The following TECTA variants were observed in gnomAD, a reference collection of about 807,000 sequenced individuals.
TECTA encodes alpha-tectorin.
TECTA carries 128 observed loss-of-function variants against 216.8 expected under a neutral mutation model. The ratio of observed to expected loss-of-function variants is 0.59; its 90% CI spans 0.51 to 0.68. The LOEUF (loss-of-function observed/expected upper bound fraction) is 0.68. TECTA is among the 30% of genes least tolerant of loss of function. The pLI is 0.00. For synonymous variants in TECTA, 1,089 were observed against 1,117.1 expected (o/e 0.97, Z 0.50); for missense variants, 2,551 against 2,786.2 (o/e 0.92, Z 1.90).
At chr11:121,137,144 G>T (rs1423868498) in intron 10 of TECTA, among the ~76,000 whole-genome samples, 1 of 151,894 alleles carries the variant, frequency 6.6e-6, no homozygotes, top group Non-Finnish European at 1.5e-5. Flanking sequence ...GCACACACAC[G>T]TGCACATGCA....
At chr11:121,120,654 A>G (rs1244761342) in intron 7 of TECTA, among the ~76,000 whole-genome samples, 5 of 152,334 alleles carry the variant, frequency 3.3e-5, no homozygotes, top group Admixed American at 1.3e-4. Flanking sequence ...GATTTTCCCC[A>G]CTGAACTGTT....
chr11:121,118,790 A>T, intron 7 of TECTA, 72 bp downstream of exon 7: 1 of 1,573,052 alleles, frequency 6.4e-7, no homozygotes, highest in Non-Finnish European at 8.7e-7. Flanking sequence ...AGACTTCCCC[A>T]GATCTACTGG....
chr11:121,113,801 C>A lies in TECTA; in HGVS notation c.790+83C>A. On this transcript the variant is annotated intron_variant, in intron 6 of 23. Transcript: ENST00000392793. This position sits in a 1 kb window ranked among gnomAD's most constrained non-coding sequence, Gnocchi z 4.2. ...CAAGCTTTTAAGCCACGGGGGCGGA[C>A]TCATTCCTGATGCCTTACTCTTTTG... is the stretch of plus-strand genomic sequence containing the variant. 2 of 1,530,090 alleles carry A rather than the reference C, an allele frequency of 1.3e-6. No individual in the cohort carries two copies. The highest frequency in any genetic ancestry group is 1.8e-6 in the Non-Finnish European group (2 of 1,115,694). 94.8% of individuals were successfully genotyped at this position (1,530,090 alleles called of 1,614,324 possible). A position where few individuals can be genotyped will look rare whatever the true frequency, so the allele number is the denominator to read the frequency against.
In TECTA at chr11:121,113,814, C is replaced by T; in HGVS notation, c.790+96C>T. 3 of 1,442,334 alleles carry T rather than the reference C, an allele frequency of 2.1e-6. No individual in the cohort carries two copies. Among genetic ancestry groups the T allele is most frequent in the Non-Finnish European group, 2.9e-6 (3 of 1,041,140 alleles). The allele number at this position is 1,442,334 out of a possible 1,614,324, so 89.3% of individuals were successfully genotyped here. On this transcript the variant is annotated intron_variant, in intron 6 of 23. Transcript: ENST00000392793. The surrounding 1 kb of genome is among the most constrained non-coding windows in gnomAD (Gnocchi z 4.2). ...CACGGGGGCGGACTCATTCCTGATGCCTTACTCTTTTGACATCTCTCCGCT... is the reference window on the plus strand; with the variant it reads ...CACGGGGGCGGACTCATTCCTGATGTCTTACTCTTTTGACATCTCTCCGCT...
chr11:121,118,776 G>C (rs1946526837), intron 7 of TECTA, 58 bp downstream of exon 7: 15 of 1,599,170 alleles, frequency 9.4e-6, no homozygotes, highest in Non-Finnish European at 1.3e-5. Context: ...CTTCAGCCTA[G>C]GGAAGACTTC....
chr11:121,145,937 C>A lies in TECTA; in HGVS notation c.3926C>A (p.Ala1309Asp). 1 of 1,614,276 alleles carries A rather than the reference C, an allele frequency of 6.2e-7. No individual in the cohort carries two copies. Among genetic ancestry groups the A allele is most frequent in the Non-Finnish European group, 8.5e-7 (1 of 1,180,046 alleles). Residue 1309 changes from alanine (A) to aspartate (D), a missense_variant, in exon 12 of 24, where the codon GCT becomes GAT. Ala to Asp is a moderately radical substitution (Grantham distance 126). Transcript: ENST00000392793. ...QLCSLIPNQN[A>D]AFSKCHSKVN... ...TGCAGCCTGATCCCCAACCAGAACG[C>A]TGCCTTCTCCAAGTGTCACAGCAAA...
At chr11:121,184,192 C>T (rs183118044) in intron 20 of TECTA, among the ~76,000 whole-genome samples, 1 of 152,346 alleles carries the variant, frequency 6.6e-6, no homozygotes, top group Non-Finnish European at 1.5e-5. Context: ...TTAATGGTTA[C>T]AACACCAAAT....
chr11:121,115,221 C>T (rs1430587966), intron 6 of TECTA, among the ~76,000 whole-genome samples: 10 of 152,072 alleles, frequency 6.6e-5, no homozygotes, highest in Non-Finnish European at 1.2e-4. Context: ...ATCCATCCAC[C>T]CATTCACCCA....
In TECTA at chr11:121,125,639, C is replaced by G; in HGVS notation, c.1541C>G (p.Thr514Ser). 6.2e-7 allele frequency: 1 copy of G among 1,611,992 alleles called. No homozygotes were observed. The highest frequency in any genetic ancestry group is 1.1e-5 in the South Asian group (1 of 91,022). ...VDNCTQCDAA[T>S]EALYFGSDYC... ...AACTGCACCCAGTGCGACGCTGCCA[C>G]TGAAGCCCTCTACTTTGGCTCTGAC... The change falls in exon 8 of 24, where the codon ACT (threonine) becomes AGT (serine). Residue 514 changes from threonine (T) to serine (S), a missense_variant. Around this residue, in one of 3 missense-constraint regions of TECTA, gnomAD observed 2,375 missense variants for 2,563.9 expected, o/e 0.93. Coordinates refer to ENST00000392793, the MANE Select transcript of TECTA (RefSeq NM_005422.4).
intron 19 of TECTA, 196 bp downstream of exon 19, chr11:121,168,413 T>A: frequency 2.3e-6 from 2 of 876,762 alleles, no homozygotes; most frequent in African/African-American, 1.7e-5. Context: ...CTGTACTGTT[T>A]AATGTGGTGG....
In TECTA at chr11:121,131,874, G is replaced by A. The variant is rs190444397; in HGVS notation, c.2941+1663G>A. On this transcript the variant is annotated intron_variant, in intron 10 of 23. Transcript: ENST00000392793. Reference sequence around the variant, plus strand: ...AGGAATACCACAAAAGCAATGATGCGTCTTCTCAATGTGTCATATCTGGAG... The same window carrying A: ...AGGAATACCACAAAAGCAATGATGCATCTTCTCAATGTGTCATATCTGGAG... Among the ~76,000 whole-genome samples the A allele has an allele frequency of 2.6e-3, 400 of 152,232 alleles. 1 individual carries two copies. Among genetic ancestry groups the A allele is most frequent in the African/African-American group, 6.8e-3 (282 of 41,534 alleles).
chr11:121,187,528 G>A (rs1591473289), intron 20 of TECTA, among the ~76,000 whole-genome samples: 1 of 152,228 alleles, frequency 6.6e-6, no homozygotes, highest in Non-Finnish European at 1.5e-5. Context: ...AACATTATGA[G>A]GGGGCGGAAT....
Position 121,148,020 on chromosome 11 carries a change from G to A in TECTA, c.4105+1904G>A, listed in dbSNP as rs532489962. On this transcript the variant is annotated intron_variant, in intron 12 of 23. Transcript: ENST00000392793. The stretch of plus-strand genomic sequence containing the variant: ...ACTACAAAGCTTGGCTAGGGACAAA[G>A]AGTAAGAAGGTGATTTTTCTTGTCT... Among the ~76,000 whole-genome samples, 163 of 152,308 alleles carry A rather than the reference G, an allele frequency of 1.1e-3. 1 individual carries two copies. The highest frequency in any genetic ancestry group is 3.8e-3 in the African/African-American group (159 of 41,562).
At chr11:121,169,657 G>T (rs1267050616) in intron 20 of TECTA, among the ~76,000 whole-genome samples, 1 of 152,086 alleles carries the variant, frequency 6.6e-6, no homozygotes, top group Admixed American at 6.5e-5. Context: ...GCAGAGAATT[G>T]CAATTATCAC....
At position 121,158,016 on chromosome 11, in the gene TECTA, TCTTCCGCACCTTCGACGGCGC is replaced by T. The variant is rs1178023385; in HGVS notation, c.4487_4507del (p.Arg1496_Phe1502del). 3 of 1,612,796 alleles carry T rather than the reference TCTTCCGCACCTTCGACGGCGC, an allele frequency of 1.9e-6. No homozygotes were observed. The highest frequency in any genetic ancestry group is 2.5e-6 in the Non-Finnish European group (3 of 1,179,962). On this transcript the variant is annotated inframe_deletion, in exon 14 of 24. Transcript: ENST00000392793. ...TACTGCCTGGCGGCCGGCGGCGGCG[TCTTCCGCACCTTCGACGGCGC>T]CTTCCTGCGCTTCCCAGCCAACTGC...
chr11:121,137,898 A>G lies in TECTA; in HGVS notation c.3419A>G (p.Lys1140Arg), dbSNP rs1946747470. 2 of 1,601,980 alleles carry G rather than the reference A, an allele frequency of 1.2e-6. No individual in the cohort carries two copies. Among genetic ancestry groups the G allele is most frequent in the Non-Finnish European group, 1.7e-6 (2 of 1,170,366 alleles). ...GSRPSSDSFPKFVVTAKNEDR... is the reference protein window; with the variant it reads ...GSRPSSDSFPRFVVTAKNEDR... ...AGGCCAAGCTCAGACTCTTTCCCCA[A>G]GTTTGTTGTCACAGCCAAGAATGAG... is the stretch of plus-strand genomic sequence containing the variant. Residue 1140 changes from lysine to arginine, a missense_variant, in exon 11 of 24, where the codon AAG becomes AGG. Around this residue, in one of 3 missense-constraint regions of TECTA, gnomAD observed 2,375 missense variants for 2,563.9 expected, o/e 0.93. Transcript: ENST00000392793.
intron 10 of TECTA, among the ~76,000 whole-genome samples, chr11:121,132,683 AC>A (rs1394640858): frequency 6.6e-6 from 1 of 152,164 alleles, no homozygotes; most frequent in African/African-American, 2.4e-5. Flanking sequence ...TACTGAACCT[AC>A]AGTTTCAGTC....
intron 12 of TECTA, 38 bp downstream of exon 12, chr11:121,146,154 T>C: frequency 6.3e-7 from 1 of 1,597,324 alleles, no homozygotes; most frequent in Non-Finnish European, 8.5e-7. Context: ...TAGCTTCTCC[T>C]CTTTCTTGAT....
In TECTA at chr11:121,165,341, A is replaced by C; in HGVS notation, c.5341A>C (p.Arg1781=). 6.2e-7 allele frequency: 1 copy of C among 1,607,024 alleles called. No individual in the cohort carries two copies. Among genetic ancestry groups the C allele is most frequent in the Non-Finnish European group, 8.5e-7 (1 of 1,176,912 alleles). Residue 1781 remains arginine (R), a synonymous_variant, in exon 17 of 24, where the codon AGG becomes CGG. Transcript: ENST00000392793. ...CCGAACTTGCGAGCTGGGCAATGGC[A>C]GGGAGCTGTGTGGCTGCATCGAGCC... ...PNRTCELGNG[R]ELCGCIEPPP...
Sources: gnomAD v4.1 joint callset for allele counts (sites outside exome capture counted in the v4.1 genomes callset) on GRCh38, gnomAD v4.1.1 for gene constraint, gnomAD v4.1.1 regional missense constraint, Gnocchi (gnomAD v3.1) non-coding constraint, MANE v1.5 for transcripts, NCBI Gene and HGNC (gene_info 2026-07-23, HGNC 2026-07-21) for gene names.